The following SLC2A6 variants were observed in gnomAD, a reference collection of about 807,000 sequenced individuals.
The protein encoded by SLC2A6 is solute carrier family 2, facilitated glucose transporter member 6.
A neutral mutation model predicts 47.8 loss-of-function variants in SLC2A6; 39 were observed. The observed-to-expected ratio is 0.82, with a 90% CI of 0.63 to 1.07. The LOEUF is 1.07. SLC2A6 is among the 50% of genes least tolerant of loss of function. SLC2A6 has a pLI of 0.00. For missense variants in SLC2A6, 650 were observed against 707.6 expected (o/e 0.92, Z 0.92); for synonymous variants, 346 against 324.1 (o/e 1.07, Z -0.73).
chr9:133,475,226 A>G (rs1053325934), intron 5 of SLC2A6, 113 bp from the exon 6 acceptor site: 78 of 1,410,060 alleles, frequency 5.5e-5, no homozygotes, highest in Non-Finnish European at 7.1e-5. Flanking sequence ...TCCTCCAGGA[A>G]AGAACCAGCT....
At chr9:133,478,713 C>T (rs1190276429) in intron 1 of SLC2A6, 15 of 586,668 alleles carry the variant, frequency 2.6e-5, no homozygotes, top group Non-Finnish European at 3.3e-5. Context: ...TCAGGCAGAA[C>T]CCCTGCTCGC....
intron 9 of SLC2A6, 137 bp downstream of exon 9, chr9:133,472,968 G>C: frequency 4.5e-6 from 4 of 893,382 alleles, no homozygotes; most frequent in South Asian, 1.9e-5. Flanking sequence ...CTGAGTTCAG[G>C]GGGTGTGTGC....
intron 9 of SLC2A6, 40 bp downstream of exon 9, chr9:133,473,065 A>G: frequency 6.4e-7 from 1 of 1,566,970 alleles, no homozygotes; most frequent in Non-Finnish European, 8.6e-7. Context: ...GGCCAGTCAG[A>G]GAGGGCCTAG....
Position 133,471,259 on chromosome 9 carries a change from T to A in SLC2A6, c.*762A>T, listed in dbSNP as rs1327324004. The A allele has an allele frequency of 2.2e-5, 3 of 136,706 alleles. No homozygotes were observed. The highest frequency in any genetic ancestry group is 4.6e-5 in the Non-Finnish European group (3 of 64,874). 8.5% of individuals were successfully genotyped at this position (136,706 alleles called of 1,614,324 possible). A position where few individuals can be genotyped will look rare whatever the true frequency, so the allele number is the denominator to read the frequency against. ...GCAGGGGGTGGGGACGGAGTTTCAC[T>A]CTCGTTGCCCAGGCTGGAGTGCAAT... On this transcript the variant is annotated 3_prime_UTR_variant, in exon 10 of 10. Transcript: ENST00000371899.
Position 133,472,058 on chromosome 9 carries a change from G to A in SLC2A6, c.1487C>T (p.Ser496Phe). Residue 496 changes from serine to phenylalanine, a missense_variant, in exon 10 of 10, where the codon TCC becomes TTC. Ser to Phe is a radical substitution (Grantham distance 155). Transcript: ENST00000371899. ...TKGRSLEQIE[S>F]FFRTGRRSFL... ...GGACCTTCTCCCCGTGCGGAAGAAGGACTCGATCTGCTCCAGGGACCGTCC... is the reference window on the plus strand; with the variant it reads ...GGACCTTCTCCCCGTGCGGAAGAAGAACTCGATCTGCTCCAGGGACCGTCC... 8 of 1,613,304 alleles carry A rather than the reference G, an allele frequency of 5.0e-6. No homozygotes were observed. The highest frequency in any genetic ancestry group is 6.8e-6 in the Non-Finnish European group (8 of 1,179,888).
Position 133,474,854 on chromosome 9 carries a change from G to T in SLC2A6, c.927+107C>A, listed in dbSNP as rs928958243. 18 of 1,187,014 alleles carry T rather than the reference G, an allele frequency of 1.5e-5. No homozygotes were observed. In the Admixed American group the frequency reaches 4.8e-4, roughly 31 times the overall value. 73.5% of individuals were successfully genotyped at this position (1,187,014 alleles called of 1,614,324 possible). On this transcript the variant is annotated intron_variant, in intron 6 of 9. Transcript: ENST00000371899. ...CTGACACCTGGCACAGAGCAGGTGT[G>T]GGTAAGACCAGGGGTTGGGTAAGTG... is the stretch of plus-strand genomic sequence containing the variant.
intron 9 of SLC2A6, among the ~76,000 whole-genome samples, chr9:133,472,740 GA>G (rs1032798204): frequency 2.6e-5 from 4 of 152,164 alleles, no homozygotes; most frequent in Admixed American, 2.6e-4. Context: ...GGGTGGGGTT[GA>G]GGGGGGAGTG....
chr9:133,471,132 A>G lies in SLC2A6; in HGVS notation c.*889T>C, dbSNP rs587605127. 1.9e-4 allele frequency: 29 copies of G among 151,980 alleles called. No individual in the cohort carries two copies. Among genetic ancestry groups the G allele is most frequent in the Admixed American group, 1.8e-3 (27 of 15,292 alleles). The allele number at this position is 151,980 out of a possible 1,614,324, so 9.4% of individuals were successfully genotyped here. ...CCTTTATTTTTACAAAAGGGTGAACACAGTTTGCAGATAGGAGCTGCCTGT... is the reference window on the plus strand; with the variant it reads ...CCTTTATTTTTACAAAAGGGTGAACGCAGTTTGCAGATAGGAGCTGCCTGT... On this transcript the variant is annotated 3_prime_UTR_variant, in exon 10 of 10. Coordinates refer to ENST00000371899, the MANE Select transcript of SLC2A6 (RefSeq NM_017585.4).
intron 2 of SLC2A6, among the ~76,000 whole-genome samples, chr9:133,477,863 G>C (rs1346960003): frequency 6.6e-6 from 1 of 152,182 alleles, no homozygotes; most frequent in Non-Finnish European, 1.5e-5. Flanking sequence ...GGGACTCTGG[G>C]ATCTTCCTCT....
rs782261869 is a variant in SLC2A6, at chr9:133,479,063, C to T, written c.-4G>A. ...CTCCCAGCAGCGGCTCCTGCATGGC[C>T]GGGTCTCTCTCGGGGCGAGCGGAGG... On this transcript the variant is annotated 5_prime_UTR_variant, in exon 1 of 10. Transcript: ENST00000371899. 1.9e-6 allele frequency: 3 copies of T among 1,593,372 alleles called. No homozygotes were observed. The highest frequency in any genetic ancestry group is 2.3e-5 in the East Asian group (1 of 43,604).
In SLC2A6 at chr9:133,473,140, C is replaced by G; in HGVS notation, c.1333G>C (p.Ala445Pro). ...GLCVLASWLT[A>P]FVLTKSFLPV... ...AGGAAGGACTTGGTGAGGACGAAGG[C>G]GGTGAGCCAGCTGGCCAGCACGCAG... The change falls in exon 9 of 10, where the codon GCC (alanine) becomes CCC (proline). Residue 445 changes from alanine to proline, a missense_variant. By Grantham distance (27) the Ala-to-Pro change is conservative. Coordinates refer to ENST00000371899, the MANE Select transcript of SLC2A6 (RefSeq NM_017585.4). The G allele has an allele frequency of 1.9e-6, 3 of 1,611,364 alleles. No homozygotes were observed. The highest frequency in any genetic ancestry group is 2.5e-6 in the Non-Finnish European group (3 of 1,179,474).
intron 3 of SLC2A6, 122 bp from the exon 4 acceptor site, chr9:133,476,458 C>A (rs1554803410): frequency 1.2e-6 from 1 of 812,378 alleles, no homozygotes; most frequent in Admixed American, 2.0e-5. Flanking sequence ...TCTGGTGGGG[C>A]TGAGTCCTGG....
In SLC2A6 at chr9:133,478,290, G is replaced by A; in HGVS notation, c.219C>T (p.Asp73=). The change falls in exon 2 of 10, where the codon GAC becomes GAT. Residue 73 remains aspartate (D), a synonymous_variant. Transcript: ENST00000371899. ...ATGCCTGGGATTTGGTCAGATGCAGGTCAGGATCCAAGGAGCGCTCCAGGG... is the reference window on the plus strand; with the variant it reads ...ATGCCTGGGATTTGGTCAGATGCAGATCAGGATCCAAGGAGCGCTCCAGGG... ...IPALERSLDP[D]LHLTKSQASW... is the part of the protein sequence containing the mutation. The A allele has an allele frequency of 6.2e-7, 1 of 1,614,086 alleles. No homozygotes were observed. Among genetic ancestry groups the A allele is most frequent in the Non-Finnish European group, 8.5e-7 (1 of 1,180,020 alleles).
At chr9:133,476,418 T>C (rs781884337) in intron 3 of SLC2A6, 82 bp from the exon 4 acceptor site, 4 of 1,233,518 alleles carry the variant, frequency 3.2e-6, no homozygotes, top group Non-Finnish European at 4.7e-6. Context: ...TCAGCCCCTG[T>C]GAACCCCGGA....
rs377257643 is a variant in SLC2A6, at chr9:133,477,201, G to A, written c.296C>T (p.Ala99Val). 1.3e-6 allele frequency: 2 copies of A among 1,550,912 alleles called. No individual in the cohort carries two copies. Among genetic ancestry groups the A allele is most frequent in the African/African-American group, 2.7e-5 (2 of 73,086 alleles). ...GCCCAGGAGGTCGTTGAGGATCATG[G>A]CACTCAGGCCTCCGGCCGCTGCTCC... ...TLGAAAGGLSAMILNDLLGRK... is the reference protein window; with the variant it reads ...TLGAAAGGLSVMILNDLLGRK... The change falls in exon 3 of 10, where the codon GCC (alanine) becomes GTC (valine). Residue 99 changes from alanine to valine, a missense_variant. Ala to Val is a moderately conservative substitution (Grantham distance 64). Coordinates refer to ENST00000371899, the MANE Select transcript of SLC2A6 (RefSeq NM_017585.4).
chr9:133,478,634 G>A, intron 1 of SLC2A6: 1 of 610,788 alleles, frequency 1.6e-6, no homozygotes, highest in South Asian at 2.1e-5. Flanking sequence ...TGGTGCTGGG[G>A]CCTTTTCTCC....
chr9:133,478,469 G>T, intron 1 of SLC2A6, 53 bp from the exon 2 acceptor site: 1 of 1,601,264 alleles, frequency 6.2e-7, no homozygotes, highest in South Asian at 1.1e-5. Context: ...CTCCTCCAGG[G>T]ACCATTGCCT....
intron 9 of SLC2A6, among the ~76,000 whole-genome samples, chr9:133,472,586 C>T (rs1156281650): frequency 6.6e-6 from 1 of 152,182 alleles, no homozygotes; most frequent in Non-Finnish European, 1.5e-5. Flanking sequence ...CCCCCAACCC[C>T]CCTGCCCTGA....
chr9:133,476,854 G>T (rs1025402093), intron 3 of SLC2A6, among the ~76,000 whole-genome samples, 181 bp downstream of exon 3: 4 of 152,236 alleles, frequency 2.6e-5, no homozygotes, highest in African/African-American at 9.6e-5. Context: ...GGGACCTGGA[G>T]ACAATTTCCC....
Sources: gnomAD v4.1 joint callset for allele counts (sites outside exome capture counted in the v4.1 genomes callset) on GRCh38, gnomAD v4.1.1 for gene constraint, MANE v1.5 for transcripts, NCBI Gene and HGNC (gene_info 2026-07-23, HGNC 2026-07-21) for gene names.